Variants in IL1RAPL1 observed in about 807,000 individuals in gnomAD.
IL1RAPL1 encodes the protein interleukin 1 receptor accessory protein like 1.
In IL1RAPL1, 3 loss-of-function variants were observed where a neutral mutation model predicts 48.4. That is an observed-to-expected ratio of 0.06 (90% CI 0.03 to 0.16). The LOEUF (loss-of-function observed/expected upper bound fraction) is 0.16, where lower values mean the gene tolerates loss of function less well. Ranked by LOEUF, IL1RAPL1 falls within the 10% of genes least tolerant of loss-of-function variation. IL1RAPL1 has a pLI of 1.00. For missense variants in IL1RAPL1, 349 were observed against 530.6 expected, an observed-to-expected ratio of 0.66 and a Z score of 3.36; for synonymous variants, 185 against 187.7, an observed-to-expected ratio of 0.99 and a Z score of 0.12.
intron 6 of IL1RAPL1, among the ~76,000 whole-genome samples, chrX:29,782,791 T>C (rs964243143): frequency 1.5e-4 from 17 of 110,271 alleles, no homozygotes; most frequent in African/African-American, 5.3e-4. Context: ...TGAAAGTTGA[T>C]TTTATATCTA....
intron 2 of IL1RAPL1, among the ~76,000 whole-genome samples, chrX:29,099,152 CAAACAAAACA>C (rs60417699): frequency 2.7e-5 from 3 of 109,599 alleles, no homozygotes; most frequent in African/African-American, 1.0e-4. Context: ...AACTGCGTCT[CAAACAAAACA>C]AAACAAAACA....
At chrX:29,666,702 T>C (rs1926008855) in intron 5 of IL1RAPL1, among the ~76,000 whole-genome samples, 1 of 110,917 alleles carries the variant, frequency 9.0e-6, no homozygotes, top group South Asian at 3.8e-4. Context: ...TGTAGATCTT[T>C]ATTTTTTGCC....
chrX:28,938,375 C>T (rs1924072511), intron 2 of IL1RAPL1, among the ~76,000 whole-genome samples: 1 of 110,601 alleles, frequency 9.0e-6, no homozygotes, highest in Non-Finnish European at 1.9e-5. Flanking sequence ...TACCTAAAAC[C>T]ATCTGATCTT....
chrX:29,444,042 C>T (rs1934581545), intron 5 of IL1RAPL1, among the ~76,000 whole-genome samples: 1 of 112,421 alleles, frequency 8.9e-6, no homozygotes, highest in Non-Finnish European at 1.9e-5. Flanking sequence ...TGCAACAACA[C>T]ATTGAAAAGA....
At chrX:29,255,144 T>C (rs756912418) in intron 2 of IL1RAPL1, among the ~76,000 whole-genome samples, 53 of 64,951 alleles carry the variant, frequency 8.2e-4, no homozygotes, top group Admixed American at 1.3e-3. Flanking sequence ...TGTGTGTGCG[T>C]GTGTGTGTGT....
chrX:29,659,727 C>T (rs764571723), intron 5 of IL1RAPL1, among the ~76,000 whole-genome samples: 24 of 111,553 alleles, frequency 2.2e-4, no homozygotes, highest in African/African-American at 5.2e-4. Flanking sequence ...CGGGTTCAAG[C>T]GATTCTCCTA....
intron 2 of IL1RAPL1, among the ~76,000 whole-genome samples, chrX:29,212,652 GA>G (rs1341793637): frequency 8.9e-6 from 1 of 112,174 alleles, no homozygotes; most frequent in African/African-American, 3.2e-5. Flanking sequence ...CTCTTGACCA[GA>G]AGCCTTACTG....
intron 5 of IL1RAPL1, among the ~76,000 whole-genome samples, chrX:29,604,868 T>C (rs897853446): frequency 1.8e-5 from 2 of 110,683 alleles, no homozygotes; most frequent in Non-Finnish European, 3.8e-5. Flanking sequence ...CGTATTTTTT[T>C]CAGGATCCAC....
intron 1 of IL1RAPL1, among the ~76,000 whole-genome samples, chrX:28,774,613 C>T (rs1300394454): frequency 8.9e-6 from 1 of 111,847 alleles, no homozygotes; most frequent in Admixed American, 9.5e-5. Flanking sequence ...GAGAAAATGT[C>T]AGCAAAAGGT....
rs1203182036 is a variant in IL1RAPL1 at position 28,768,729 on chromosome X, G to GTCTC, written c.-24-20567_-24-20564dup. The stretch of plus-strand genomic sequence containing the variant: ...TCTCTCTCTCTCTCTCTCTCTCTCT[G>GTCTC]TCTCTCTCTCTCTCTCTCTCTCTCT... On this transcript the variant is annotated intron_variant, in intron 1 of 10. Transcript: ENST00000378993. Among the ~76,000 whole-genome samples, 57 of 50,709 alleles carry GTCTC rather than the reference G, an allele frequency of 1.1e-3. 1 individual carries two copies. Among genetic ancestry groups the GTCTC allele is most frequent in the African/African-American group, 3.5e-3 (45 of 12,858 alleles). 44.0% of individuals were successfully genotyped at this position (50,709 alleles called of 115,157 possible). A position where few individuals can be genotyped will look rare whatever the true frequency, so the allele number is the denominator to read the frequency against.
At chrX:28,610,760 C>T (rs936651719) in intron 1 of IL1RAPL1, among the ~76,000 whole-genome samples, 3 of 110,355 alleles carry the variant, frequency 2.7e-5, no homozygotes, top group Non-Finnish European at 5.7e-5. Flanking sequence ...ACTTGAATTG[C>T]ACATGGATCA....
At chrX:28,831,026 C>CTCTGTGTGTGTGTGTGTGTGTG (rs1438889606) in intron 2 of IL1RAPL1, among the ~76,000 whole-genome samples, 1 of 33,644 alleles carries the variant, frequency 3.0e-5, no homozygotes, top group Non-Finnish European at 4.9e-5. Flanking sequence ...CTCTCTCTCT[C>CTCTGTGTGTGTGTGTGTGTGTG]TGTGTGTGTG....
At chrX:29,584,287 T>C (rs5927844) in intron 5 of IL1RAPL1, among the ~76,000 whole-genome samples, 33,372 of 110,595 alleles carry the variant, frequency 0.3, 3,737 homozygotes, top group South Asian at 0.47. Flanking sequence ...TTTTCTCTTC[T>C]CTACTGAATA....
chrX:29,147,423 T>C (rs1488075017), intron 2 of IL1RAPL1, among the ~76,000 whole-genome samples: 1 of 111,977 alleles, frequency 8.9e-6, no homozygotes, highest in Non-Finnish European at 1.9e-5. Flanking sequence ...AGTTAAACTT[T>C]ATGTCTGTAT....
chrX:29,452,862 T>C (rs1207068995), intron 5 of IL1RAPL1, among the ~76,000 whole-genome samples: 1 of 109,712 alleles, frequency 9.1e-6, no homozygotes, highest in Non-Finnish European at 1.9e-5. Flanking sequence ...ACAGTGGGTC[T>C]GGGAATTCAT....
At chrX:29,572,579 A>G (rs1005667941) in intron 5 of IL1RAPL1, among the ~76,000 whole-genome samples, 1 of 112,434 alleles carries the variant, frequency 8.9e-6, no homozygotes, top group East Asian at 2.8e-4. Flanking sequence ...GGCATTGTTT[A>G]AAAATATTTT....
At chrX:29,619,177 G>A (rs1184022568) in intron 5 of IL1RAPL1, among the ~76,000 whole-genome samples, 1 of 111,604 alleles carries the variant, frequency 9.0e-6, no homozygotes, top group South Asian at 3.8e-4. Flanking sequence ...TTTAGTGCTT[G>A]GGTTTGTATA....
intron 2 of IL1RAPL1, among the ~76,000 whole-genome samples, chrX:29,171,019 T>C: frequency 9.0e-6 from 1 of 111,311 alleles, no homozygotes; most frequent in South Asian, 3.8e-4. Flanking sequence ...GTTTTTGAGA[T>C]GGAGTCTCAC....
At chrX:29,922,055 AT>A (rs1932852397) in intron 8 of IL1RAPL1, among the ~76,000 whole-genome samples, 2 of 110,825 alleles carry the variant, frequency 1.8e-5, no homozygotes, top group Admixed American at 1.9e-4. Context: ...TGAACAACAT[AT>A]TTTGGGGGGG....
Sources: gnomAD v4.1 joint callset for allele counts (sites outside exome capture counted in the v4.1 genomes callset) on GRCh38, gnomAD v4.1.1 for gene constraint, MANE v1.5 for transcripts, NCBI Gene and HGNC (gene_info 2026-07-23, HGNC 2026-07-21) for gene names.